SYNE2: variants seen among roughly 807,000 people sequenced by gnomAD.
SYNE2 encodes the protein spectrin repeat containing nuclear envelope protein 2.
SYNE2 carries 431 observed loss-of-function variants against 856.3 expected under a neutral mutation model. That is an observed-to-expected ratio of 0.50 (90% CI 0.47 to 0.55). The LOEUF (loss-of-function observed/expected upper bound fraction) is 0.55. Among genes scored for constraint, SYNE2 ranks in the 20% least tolerant of loss-of-function variants. The pLI is 0.00. For synonymous variants in SYNE2, 2,923 were observed against 2,872.3 expected (o/e 1.02, Z -0.56); for missense variants, 8,129 against 8,023.2 (o/e 1.01, Z -0.50).
intron 1 of SYNE2, among the ~76,000 whole-genome samples, chr14:63,793,447 A>C (rs1887804594): frequency 6.6e-6 from 1 of 152,208 alleles, no homozygotes; most frequent in African/African-American, 2.4e-5. Flanking sequence ...ACTGTCGATA[A>C]ATTTCTACTG....
At chr14:64,093,177 C>G (rs1229925569) in intron 60 of SYNE2, among the ~76,000 whole-genome samples, 172 bp from the exon 61 acceptor site, 1 of 152,186 alleles carries the variant, frequency 6.6e-6, no homozygotes, top group Non-Finnish European at 1.5e-5. Flanking sequence ...GATCAGGTGT[C>G]AGCTTTGCAA....
chr14:64,138,612 T>TTTCCTACCCTC (rs74277734), intron 79 of SYNE2, among the ~76,000 whole-genome samples: 3,453 of 152,284 alleles, frequency 0.023, 48 homozygotes, highest in African/African-American at 0.037. Flanking sequence ...GATATTGCTC[T>TTTCCTACCCTC]TTCCAAAAGT....
In SYNE2 at chr14:63,784,941, CTG is replaced by C. The variant is rs534052475; in HGVS notation, c.-305+22957_-305+22958del. 5.8e-3 allele frequency among the ~76,000 whole-genome samples: 683 copies of C among 118,092 alleles called. 8 individuals are homozygous for C. Among genetic ancestry groups the C allele is most frequent in the African/African-American group, 0.018 (634 of 34,806 alleles). The allele number at this position is 118,092 out of a possible 152,430, so 77.5% of individuals were successfully genotyped here. A position where few individuals can be genotyped will look rare whatever the true frequency, so the allele number is the denominator to read the frequency against. On this transcript the variant is annotated intron_variant, in intron 1 of 23. Transcript: ENST00000674003. ...TACATCTACTAAATTCAGTGGTGGA[CTG>C]TTATTTTTTTGGGGGGGTGAGGGGT...
chr14:63,864,360 T>A (rs556435948), intron 1 of SYNE2: 1 of 152,358 alleles, frequency 6.6e-6, no homozygotes, highest in African/African-American at 2.4e-5. Context: ...CAGTACTGAT[T>A]ATATTCCCTT....
At chr14:64,066,854 A>G (rs2097362190) in intron 51 of SYNE2, among the ~76,000 whole-genome samples, 1 of 152,142 alleles carries the variant, frequency 6.6e-6, no homozygotes, top group East Asian at 1.9e-4. Flanking sequence ...GCACTGATAG[A>G]TTGAGTAGTG....
intron 96 of SYNE2, among the ~76,000 whole-genome samples, chr14:64,186,085 A>ATG (rs367745304): frequency 5.9e-5 from 9 of 151,878 alleles, no homozygotes; most frequent in South Asian, 2.1e-4. Context: ...GTATGTGTGC[A>ATG]TGTGTGTGTG....
At chr14:64,159,565 T>C (rs2098312285) in intron 87 of SYNE2, 123 bp downstream of exon 87, 1 of 1,130,334 alleles carries the variant, frequency 8.8e-7, no homozygotes, top group Non-Finnish European at 1.3e-6. Context: ...CCTACTGTTC[T>C]GGTCTCTTCT....
chr14:63,831,992 A>T (rs1295379247), intron 1 of SYNE2, among the ~76,000 whole-genome samples: 2 of 152,132 alleles, frequency 1.3e-5, no homozygotes. Context: ...TAGATTTTTC[A>T]GTATTTTATT....
chr14:64,222,365 G>T (rs916482053), intron 112 of SYNE2, among the ~76,000 whole-genome samples: 4 of 152,178 alleles, frequency 2.6e-5, no homozygotes, highest in Admixed American at 6.5e-5. Context: ...GTGGCTTAAA[G>T]CACCTGAAAT....
chr14:63,846,502 A>G (rs1890230680), intron 1 of SYNE2, among the ~76,000 whole-genome samples: 1 of 152,040 alleles, frequency 6.6e-6, no homozygotes. Flanking sequence ...TTTAGAAATT[A>G]TTCAAGCTCA....
chr14:63,898,563 C>T (rs1399069464), intron 1 of SYNE2, among the ~76,000 whole-genome samples: 1 of 152,014 alleles, frequency 6.6e-6, no homozygotes, highest in Admixed American at 6.6e-5. Flanking sequence ...TGCCACCGCA[C>T]CTGGTTAATT....
intron 107 of SYNE2, chr14:64,215,565 A>T (rs56402661): frequency 3.2e-6 from 2 of 627,506 alleles, no homozygotes; most frequent in Non-Finnish European, 5.7e-6. Flanking sequence ...CTCGATGCCA[A>T]CCCCCTCTCC....
At chr14:64,197,383 A>G (rs988360315) in intron 99 of SYNE2, among the ~76,000 whole-genome samples, 3 of 152,186 alleles carry the variant, frequency 2.0e-5, no homozygotes, top group African/African-American at 4.8e-5. Flanking sequence ...TAAAGAGGCA[A>G]TGAGCTCAGA....
intron 1 of SYNE2, among the ~76,000 whole-genome samples, chr14:63,888,702 A>C (rs17750888): frequency 0.42 from 64,118 of 152,010 alleles, 15,254 homozygotes; most frequent in South Asian, 0.55. Context: ...TGAAAGCTAA[A>C]CAGTAACAGA....
Position 64,113,587 on chromosome 14 carries a change from C to CA in SYNE2, c.12840+17dup. 6.3e-7 allele frequency: 1 copy of CA among 1,588,570 alleles called. No individual in the cohort carries two copies. The highest frequency in any genetic ancestry group is 8.6e-7 in the Non-Finnish European group (1 of 1,167,630). On this transcript the variant is annotated intron_variant, in intron 66 of 115. Coordinates refer to ENST00000555002, the MANE Select transcript of SYNE2 (RefSeq NM_182914.3). The stretch of plus-strand genomic sequence containing the variant: ...AGGGTGCCAGGTAAGACTGAGAAGT[C>CA]AGAGTTCATGGTTTGCCTCTCCACC...
intron 57 of SYNE2, 81 bp from the exon 58 acceptor site, chr14:64,087,589 AT>A (rs1205215815): frequency 2.1e-6 from 3 of 1,463,354 alleles, no homozygotes; most frequent in Non-Finnish European, 2.9e-6. Flanking sequence ...ATAACTTTCA[AT>A]TTTCTCTGAT....
At chr14:64,093,563 G>C in intron 61 of SYNE2, 83 bp downstream of exon 61, 1 of 1,529,314 alleles carries the variant, frequency 6.5e-7, no homozygotes, top group South Asian at 1.1e-5. Context: ...TTGGTGTCTA[G>C]GAGCCTTTCT....
intron 66 of SYNE2, among the ~76,000 whole-genome samples, chr14:64,116,563 A>G (rs555743593): frequency 7.9e-4 from 120 of 152,262 alleles, no homozygotes; most frequent in Non-Finnish European, 1.4e-3. Context: ...GATTACAGGC[A>G]TGCACCACAG....
chr14:64,209,891 G>T, intron 102 of SYNE2, 51 bp from the exon 103 acceptor site: 1 of 1,612,226 alleles, frequency 6.2e-7, no homozygotes, highest in Non-Finnish European at 8.5e-7. Context: ...GGGAAGGAGG[G>T]CGTCCTGGCA....
Sources: allele counts gnomAD v4.1 joint callset (sites outside exome capture counted in the v4.1 genomes callset), GRCh38; gene constraint gnomAD v4.1.1; transcripts MANE v1.5; gene names NCBI Gene and HGNC (gene_info 2026-07-23, HGNC 2026-07-21).